TUSC3: variants seen among roughly 807,000 people sequenced by gnomAD.
TUSC3 encodes the protein dolichyl-diphosphooligosaccharide--protein glycosyltransferase subunit TUSC3.
In TUSC3, 45 loss-of-function variants were observed where a neutral mutation model predicts 44.8. The observed-to-expected ratio is 1.00, with a 90% CI of 0.79 to 1.29. The LOEUF (loss-of-function observed/expected upper bound fraction) is 1.29, where lower values mean the gene tolerates loss of function less well. Among genes scored for constraint, TUSC3 ranks in the 50% most tolerant of loss-of-function variants. The probability of loss-of-function intolerance (pLI) is 0.00; values close to 1 mark genes in which losing one functional copy is unlikely to be tolerated. For synonymous variants in TUSC3, 212 were observed against 152.9 expected (o/e 1.39, Z -2.85); for missense variants, 519 against 437.9 (o/e 1.19, Z -1.65).
At chr8:15,615,737 T>C (rs1197958574) in intron 1 of TUSC3, among the ~76,000 whole-genome samples, 1 of 152,282 alleles carries the variant, frequency 6.6e-6, no homozygotes, top group African/African-American at 2.4e-5. Flanking sequence ...ACCATAAATA[T>C]GTATAATTAT....
intron 7 of TUSC3, among the ~76,000 whole-genome samples, chr8:15,736,019 C>A (rs879651764): frequency 1.3e-5 from 2 of 152,084 alleles, no homozygotes; most frequent in Non-Finnish European, 2.9e-5. Flanking sequence ...TGAGCCACCA[C>A]GCCCGGCGAT....
chr8:15,636,812 C>G (rs1291809458), intron 2 of TUSC3, among the ~76,000 whole-genome samples: 3 of 152,138 alleles, frequency 2.0e-5, no homozygotes, highest in Non-Finnish European at 2.9e-5. Context: ...TGTTGGGCCT[C>G]CTTTTTGGGG....
chr8:15,666,496 A>T (rs1328075306), intron 5 of TUSC3, among the ~76,000 whole-genome samples: 1 of 151,454 alleles, frequency 6.6e-6, no homozygotes, highest in East Asian at 1.9e-4. Context: ...ATATGTCATT[A>T]TACAGTATTT....
chr8:15,844,371 G>A, the TUSC3 span, among the ~76,000 whole-genome samples: 2 of 152,112 alleles, frequency 1.3e-5, no homozygotes, highest in Admixed American at 1.3e-4. Flanking sequence ...CAGAGCCTCA[G>A]TGATTAATAA....
chr8:15,833,735 G>T, the TUSC3 span, among the ~76,000 whole-genome samples: 25 of 151,792 alleles, frequency 1.6e-4, no homozygotes, highest in Admixed American at 6.6e-4. Flanking sequence ...ATAACTAATG[G>T]GTACTAGGCT....
At chr8:15,568,951 T>G (rs376761057) in intron 1 of TUSC3, among the ~76,000 whole-genome samples, 35 of 152,236 alleles carry the variant, frequency 2.3e-4, no homozygotes, top group African/African-American at 7.9e-4. Context: ...GTTGACTACT[T>G]TCTTTAGTCA....
At chr8:15,819,253 C>T in the TUSC3 span, among the ~76,000 whole-genome samples, 1 of 151,996 alleles carries the variant, frequency 6.6e-6, no homozygotes, top group East Asian at 1.9e-4. Flanking sequence ...AATCTCAAAC[C>T]CTGTCTCCAT....
intron 1 of TUSC3, among the ~76,000 whole-genome samples, chr8:15,461,703 G>A (rs943312568): frequency 3.3e-5 from 5 of 150,608 alleles, no homozygotes; most frequent in South Asian, 2.1e-4. Context: ...ATTGAGTTAC[G>A]TCCCTTGTGT....
At chr8:15,745,996 A>G (rs1811398664) in intron 8 of TUSC3, among the ~76,000 whole-genome samples, 1 of 152,122 alleles carries the variant, frequency 6.6e-6, no homozygotes, top group South Asian at 2.1e-4. Flanking sequence ...CAGTTATCCC[A>G]GCAACATTTA....
intron 1 of TUSC3, among the ~76,000 whole-genome samples, chr8:15,466,223 G>A (rs1390231716): frequency 6.6e-6 from 1 of 152,170 alleles, no homozygotes; most frequent in African/African-American, 2.4e-5. Flanking sequence ...AACTGTAGCA[G>A]ACACATTTCT....
intron 1 of TUSC3, among the ~76,000 whole-genome samples, chr8:15,435,234 G>A (rs1324570084): frequency 6.6e-6 from 1 of 151,832 alleles, no homozygotes; most frequent in Non-Finnish European, 1.5e-5. Context: ...CATTCTAACT[G>A]GTGTGAGATG....
chr8:15,480,415 A>C (rs1195045752), intron 1 of TUSC3, among the ~76,000 whole-genome samples: 1 of 152,222 alleles, frequency 6.6e-6, no homozygotes, highest in East Asian at 1.9e-4. Flanking sequence ...TTGCCATGAA[A>C]AAATACCATA....
At chr8:15,635,924 G>A (rs956402227) in intron 2 of TUSC3, among the ~76,000 whole-genome samples, 10 of 152,184 alleles carry the variant, frequency 6.6e-5, no homozygotes, top group Admixed American at 6.5e-4. Flanking sequence ...TGACCTCTTG[G>A]TGACTAGTTC....
chr8:15,523,435 GT>G (rs2129129777), intron 2 of TUSC3, among the ~76,000 whole-genome samples: 1 of 151,980 alleles, frequency 6.6e-6, no homozygotes, highest in African/African-American at 2.4e-5. Flanking sequence ...TTTCATAGGA[GT>G]TTGATTTGTC....
At chr8:15,463,915 A>G (rs927734961) in intron 1 of TUSC3, among the ~76,000 whole-genome samples, 2 of 152,156 alleles carry the variant, frequency 1.3e-5, no homozygotes, top group East Asian at 1.9e-4. Flanking sequence ...TTACTTGCCT[A>G]TTTGATCATT....
At chr8:15,434,461 G>C (rs1452025157) in intron 1 of TUSC3, among the ~76,000 whole-genome samples, 2 of 147,876 alleles carry the variant, frequency 1.4e-5, no homozygotes, top group Admixed American at 6.7e-5. Flanking sequence ...ATGAAATCTT[G>C]TTTAATGGGA....
At chr8:15,748,011 A>G (rs759760446) in intron 8 of TUSC3, among the ~76,000 whole-genome samples, 11 of 152,130 alleles carry the variant, frequency 7.2e-5, no homozygotes, top group Non-Finnish European at 1.3e-4. Flanking sequence ...CGCAAGAGGC[A>G]ATAATCTTGT....
At chr8:15,816,236 A>G in the TUSC3 span, among the ~76,000 whole-genome samples, 2 of 152,160 alleles carry the variant, frequency 1.3e-5, no homozygotes, top group Non-Finnish European at 1.5e-5. Context: ...GATTTAGATA[A>G]TGAAGAGAAC....
At chr8:15,684,132 C>G (rs565037147) in intron 6 of TUSC3, among the ~76,000 whole-genome samples, 1 of 152,132 alleles carries the variant, frequency 6.6e-6, no homozygotes, top group Non-Finnish European at 1.5e-5. Context: ...TATATGACTG[C>G]CTCTCTGGTT....
Sources: gnomAD v4.1 joint callset for allele counts (sites outside exome capture counted in the v4.1 genomes callset) on GRCh38, gnomAD v4.1.1 for gene constraint, MANE v1.5 for transcripts, NCBI Gene and HGNC (gene_info 2026-07-23, HGNC 2026-07-21) for gene names.